SLC26A9: variants seen among roughly 807,000 people sequenced by gnomAD.
SLC26A9 encodes anion transporter/exchanger protein 9.
In SLC26A9, 46 loss-of-function variants were observed where a neutral mutation model predicts 87.1. That is an observed-to-expected ratio of 0.53 (90% CI 0.42 to 0.67). SLC26A9 has a LOEUF of 0.67. Ranked by LOEUF, SLC26A9 falls within the 30% of genes least tolerant of loss-of-function variation. SLC26A9 has a pLI of 0.00. For missense variants in SLC26A9, 927 were observed against 1,018.3 expected (o/e 0.91, Z 1.22); for synonymous variants, 437 against 409.1 (o/e 1.07, Z -0.82).
At chr1:205,927,055 G>A (rs762668047) in intron 11 of SLC26A9, among the ~76,000 whole-genome samples, 156 bp downstream of exon 11, 2 of 152,222 alleles carry the variant, frequency 1.3e-5, no homozygotes, top group Non-Finnish European at 2.9e-5. Flanking sequence ...CTGTAAAATG[G>A]GGAGGATAAA....
At chr1:205,930,183 T>C (rs9438405) in intron 5 of SLC26A9, 127 bp from the exon 6 acceptor site, 1 of 1,057,866 alleles carries the variant, frequency 9.5e-7, no homozygotes, top group Non-Finnish European at 1.3e-6. Flanking sequence ...CTTGAGGGAA[T>C]TGGACCATCT....
chr1:205,938,757 C>G (rs537283357), intron 1 of SLC26A9, among the ~76,000 whole-genome samples: 5 of 152,358 alleles, frequency 3.3e-5, no homozygotes, highest in South Asian at 2.1e-4. Context: ...GCCTATGAAG[C>G]CTTTCCTGAC....
chr1:205,942,022 C>CA (rs1659765210), intron 1 of SLC26A9, among the ~76,000 whole-genome samples: 1 of 152,318 alleles, frequency 6.6e-6, no homozygotes, highest in African/African-American at 2.4e-5. Flanking sequence ...AGTGACCCCA[C>CA]AGCCCCCAAA....
chr1:205,928,444 C>T, intron 8 of SLC26A9: 1 of 389,190 alleles, frequency 2.6e-6, no homozygotes, highest in Admixed American at 4.0e-5. Context: ...CAGGGCCCAG[C>T]ATGGTGCCTG....
rs534537799 is a variant in SLC26A9, at chr1:205,937,770, G to C, written c.-18-1932C>G. On this transcript the variant is annotated intron_variant, in intron 1 of 20. Coordinates refer to ENST00000367135, the MANE Select transcript of SLC26A9 (RefSeq NM_052934.4). ...CTGGCTGTCCAGGTGGTTTGCCTGC[G>C]GGGGCTCAATGAGTGGGGAGCATGA... 1.4e-3 allele frequency among the ~76,000 whole-genome samples: 219 copies of C among 152,162 alleles called. 1 individual carries two copies. The highest frequency in any genetic ancestry group is 5.0e-3 in the African/African-American group (206 of 41,512).
intron 8 of SLC26A9, chr1:205,928,286 C>T (rs921635488): frequency 5.3e-6 from 3 of 563,322 alleles, no homozygotes; most frequent in African/African-American, 3.8e-5. Flanking sequence ...GTCCCCGGGC[C>T]AGTATGTGGT....
intron 6 of SLC26A9, 59 bp downstream of exon 6, chr1:205,929,833 C>A: frequency 6.6e-7 from 1 of 1,519,114 alleles, no homozygotes; most frequent in Non-Finnish European, 8.9e-7. Context: ...AACAGTACAT[C>A]CTCCTCATGT....
At chr1:205,919,647 C>G (rs1378877069) in intron 18 of SLC26A9, among the ~76,000 whole-genome samples, 1 of 152,134 alleles carries the variant, frequency 6.6e-6, no homozygotes, top group Admixed American at 6.5e-5. Flanking sequence ...ACATGCTAGT[C>G]ATGTAAATGT....
rs182931564 is a variant in SLC26A9 at position 205,929,225 on chromosome 1, G to A, written c.849C>T (p.Pro283=). 110 of 1,614,174 alleles carry A rather than the reference G, an allele frequency of 6.8e-5. No individual in the cohort carries two copies. Among genetic ancestry groups the A allele is most frequent in the Admixed American group, 2.0e-4 (12 of 60,014 alleles). The change falls in exon 7 of 21, where the codon CCC becomes CCT. Residue 283 remains proline (P), a synonymous_variant. Coordinates refer to ENST00000367135, the MANE Select transcript of SLC26A9 (RefSeq NM_052934.4). The part of the protein sequence containing the change: ...NARYMHKIRF[P]IPTEMIVVVV... Reference sequence around the variant, plus strand: ...TTACCACAATCATCTCTGTAGGGATGGGGAAGCGAATCTTGTGCATGTAGC... The same window carrying A: ...TTACCACAATCATCTCTGTAGGGATAGGGAAGCGAATCTTGTGCATGTAGC...
chr1:205,920,107 C>T, intron 18 of SLC26A9, 69 bp downstream of exon 18: 6 of 1,587,194 alleles, frequency 3.8e-6, no homozygotes, highest in Non-Finnish European at 5.2e-6. Flanking sequence ...CTATTCAGAC[C>T]CCACCAACCT....
chr1:205,917,230 T>C, intron 20 of SLC26A9, 53 bp downstream of exon 20: 1 of 1,594,214 alleles, frequency 6.3e-7, no homozygotes, highest in Non-Finnish European at 8.6e-7. Context: ...AGCGACCCCA[T>C]CCTTCCCCTC....
chr1:205,917,354 C>G lies in SLC26A9; in HGVS notation c.2257G>C (p.Ala753Pro), dbSNP rs761560369. 6.2e-7 allele frequency: 1 copy of G among 1,613,936 alleles called. No homozygotes were observed. The highest frequency in any genetic ancestry group is 1.1e-5 in the South Asian group (1 of 91,046). The change falls in exon 20 of 21, where the codon GCT becomes CCT. Residue 753 changes from alanine to proline, a missense_variant and splice_region_variant. Transcript: ENST00000367135. The stretch of plus-strand genomic sequence containing the variant: ...AAGGAGAGCTCAGCATCCCCTGGAG[C>G]CTGGAAGGGAGGAAGCCAGTGCAGA... ...DVTPGHNFQG[A>P]PGDAELSLYD...
chr1:205,916,798 G>A lies in SLC26A9; in HGVS notation c.2328+485C>T, dbSNP rs1658610364. Among the ~76,000 whole-genome samples the A allele has an allele frequency of 2.0e-5, 3 of 152,164 alleles. No homozygotes were observed. In the South Asian group the frequency reaches 6.2e-4, roughly 32 times the overall value. On this transcript the variant is annotated intron_variant, in intron 20 of 20. Coordinates refer to ENST00000367135, the MANE Select transcript of SLC26A9 (RefSeq NM_052934.4). ...CCCTCTCCCCACGATAACTTTCAGG[G>A]AGTGAGAAGAATGAAAACAAAGGCC...
At chr1:205,940,511 A>C (rs1477897980) in intron 1 of SLC26A9, among the ~76,000 whole-genome samples, 1 of 152,158 alleles carries the variant, frequency 6.6e-6, no homozygotes, top group Non-Finnish European at 1.5e-5. Flanking sequence ...ATAAACTCCA[A>C]CTATCATCAT....
rs1659302726 is a variant in SLC26A9 at position 205,931,467 on chromosome 1, T to TTTTTTG, written c.552+392_552+393insCAAAAA. Among the ~76,000 whole-genome samples, 5 of 41,802 alleles carry TTTTTTG rather than the reference T, an allele frequency of 1.2e-4. No homozygotes were observed. In the South Asian group the frequency reaches 7.7e-3, roughly 64 times the overall value. The allele number at this position is 41,802 out of a possible 152,430, so 27.4% of individuals were successfully genotyped here. On this transcript the variant is annotated intron_variant, in intron 5 of 20. Coordinates refer to ENST00000367135, the MANE Select transcript of SLC26A9 (RefSeq NM_052934.4). Reference sequence around the variant, plus strand: ...GGGAGGAGGTGAGCCCTAACTTGGTTTTTTTTTTTTTTTTTTTGAGACGGA... The same window carrying TTTTTTG: ...GGGAGGAGGTGAGCCCTAACTTGGTTTTTTTGTTTTTTTTTTTTTTTTTGAGACGGA...
Position 205,923,322 on chromosome 1 carries a change from G to T in SLC26A9, c.1659+13C>A. On this transcript the variant is annotated intron_variant, in intron 15 of 20. Coordinates refer to ENST00000367135, the MANE Select transcript of SLC26A9 (RefSeq NM_052934.4). Reference sequence around the variant, plus strand: ...CTGTCCAGAGCCTCTGGTCGCCAGGGACTGAGCCTTACCTTGGCGATGACC... The same window carrying T: ...CTGTCCAGAGCCTCTGGTCGCCAGGTACTGAGCCTTACCTTGGCGATGACC... 1 of 1,614,000 alleles carries T rather than the reference G, an allele frequency of 6.2e-7. No homozygotes were observed. The highest frequency in any genetic ancestry group is 8.5e-7 in the Non-Finnish European group (1 of 1,179,916).
At chr1:205,940,285 C>A (rs1437404189) in intron 1 of SLC26A9, among the ~76,000 whole-genome samples, 4 of 152,162 alleles carry the variant, frequency 2.6e-5, no homozygotes, top group African/African-American at 4.8e-5. Flanking sequence ...AGCAGATTCC[C>A]TCTTGAGATT....
intron 8 of SLC26A9, 86 bp from the exon 9 acceptor site, chr1:205,928,135 C>T: frequency 6.7e-7 from 1 of 1,495,738 alleles, no homozygotes; most frequent in South Asian, 1.3e-5. Flanking sequence ...AGGGACCAGC[C>T]AGGCCCCCAT....
At chr1:205,916,360 G>T (rs1396272591) in intron 20 of SLC26A9, among the ~76,000 whole-genome samples, 2 of 152,186 alleles carry the variant, frequency 1.3e-5, no homozygotes, top group African/African-American at 4.8e-5. Flanking sequence ...GCCTCCCAAA[G>T]TGCTGGGATT....
Sources: allele counts gnomAD v4.1 joint callset (sites outside exome capture counted in the v4.1 genomes callset), GRCh38; gene constraint gnomAD v4.1.1; transcripts MANE v1.5; gene names NCBI Gene and HGNC (gene_info 2026-07-23, HGNC 2026-07-21).